The following DNAJC5 variants were observed in gnomAD, a reference collection of about 807,000 sequenced individuals.
The protein encoded by DNAJC5 is DnaJ heat shock protein family (Hsp40) member C5, also known as dnaJ homolog subfamily C member 5.
Under a neutral mutation model 23.2 loss-of-function variants are expected in DNAJC5, and 1 was observed. That is an observed-to-expected ratio of 0.04 (90% confidence interval 0.02 to 0.20). The LOEUF (loss-of-function observed/expected upper bound fraction) is 0.20. Among genes scored for constraint, DNAJC5 ranks in the 10% least tolerant of loss-of-function variants. DNAJC5 has a pLI of 1.00. For synonymous variants in DNAJC5, 136 were observed against 120.0 expected, an observed-to-expected ratio of 1.13 and a Z score of -0.87; for missense variants, 180 against 267.0, an observed-to-expected ratio of 0.67 and a Z score of 2.27.
intron 1 of DNAJC5, among the ~76,000 whole-genome samples, chr20:63,908,227 G>C (rs2053459752): frequency 2.0e-5 from 3 of 152,356 alleles, no homozygotes; most frequent in African/African-American, 4.8e-5. Context: ...CCCCACGCAT[G>C]GGAGGTGGTG....
intron 1 of DNAJC5, among the ~76,000 whole-genome samples, chr20:63,917,184 G>C (rs1309749165): frequency 6.6e-6 from 1 of 152,186 alleles, no homozygotes; most frequent in Non-Finnish European, 1.5e-5. Flanking sequence ...CTTTGCCACA[G>C]CTCCAGCCGG....
In DNAJC5 at chr20:63,929,555, C is replaced by A. The variant is rs753649103; in HGVS notation, c.321+30C>A. On this transcript the variant is annotated intron_variant, in intron 3 of 4. Coordinates refer to ENST00000360864, the MANE Select transcript of DNAJC5 (RefSeq NM_025219.3). This position sits in a 1 kb window ranked among gnomAD's most constrained non-coding sequence, Gnocchi z 8.6. ...GGGCGAGCTGCCTGCCGTGCGGGCA[C>A]CCGAGTCACTCCTGCCGTGCGGGCA... The A allele has an allele frequency of 6.2e-7, 1 of 1,609,068 alleles. No homozygotes were observed. The highest frequency in any genetic ancestry group is 1.1e-5 in the South Asian group (1 of 90,840).
rs943075199 is a variant in DNAJC5 at position 63,928,206 on chromosome 20, G to A, written c.-11-129G>A. 4.0e-6 allele frequency: 3 copies of A among 748,638 alleles called. No individual in the cohort carries two copies. The highest frequency in any genetic ancestry group is 3.5e-5 in the African/African-American group (2 of 57,852). The allele number at this position is 748,638 out of a possible 1,614,324, so 46.4% of individuals were successfully genotyped here. The stretch of plus-strand genomic sequence containing the variant: ...CATGCCATGGCGTCTGTCTGTGCAC[G>A]TGGCAAACTCCACAAGGCAGTGTTG... On this transcript the variant is annotated intron_variant, in intron 1 of 4. Coordinates refer to ENST00000360864, the MANE Select transcript of DNAJC5 (RefSeq NM_025219.3). This position sits in a 1 kb window ranked among gnomAD's most constrained non-coding sequence, Gnocchi z 4.6.
rs2053476784 is a variant in DNAJC5, at chr20:63,910,659, G to A, written c.-12+15336G>A. On this transcript the variant is annotated intron_variant, in intron 1 of 4. Transcript: ENST00000360864. ...GGATAACCTGCTCTCCAAGTAATAG[G>A]GTTTTGAGAATGTTTTTTTTTTTTT... Among the ~76,000 whole-genome samples, 3 of 147,400 alleles carry A rather than the reference G, an allele frequency of 2.0e-5. No individual in the cohort carries two copies. The South Asian group carries it at 6.4e-4, about 31-fold the overall frequency.
intron 1 of DNAJC5, among the ~76,000 whole-genome samples, chr20:63,911,788 C>G (rs1409568320): frequency 6.6e-6 from 1 of 151,824 alleles, no homozygotes; most frequent in African/African-American, 2.4e-5. Context: ...ATCCTCCCAT[C>G]CCAACCACCT....
At chr20:63,899,322 T>G (rs1461571946) in intron 1 of DNAJC5, among the ~76,000 whole-genome samples, 5 of 152,188 alleles carry the variant, frequency 3.3e-5, no homozygotes, top group Admixed American at 2.6e-4. Context: ...TAGTCTGTTA[T>G]CAGTCACAGG....
chr20:63,909,141 A>T (rs1448454544), intron 1 of DNAJC5: 3 of 151,752 alleles, frequency 2.0e-5, no homozygotes, highest in Non-Finnish European at 4.4e-5. Flanking sequence ...ATAAAAATAC[A>T]AAAATCAGTC....
rs755569080 is a variant in DNAJC5 at position 63,931,529 on chromosome 20, C to T, written c.558C>T (p.Ala186=). 30 of 1,583,666 alleles carry T rather than the reference C, an allele frequency of 1.9e-5. No homozygotes were observed. The highest frequency in any genetic ancestry group is 1.7e-4 in the Middle Eastern group (1 of 6,030). The part of the protein sequence containing the change: ...ASATETTQLT[A]DSHPSYHTDG... The stretch of plus-strand genomic sequence containing the variant: ...CCACCGAGACCACCCAGCTCACAGC[C>T]GACTCCCACCCCAGCTACCACACTG... Residue 186 remains alanine (A), a synonymous_variant, in exon 5 of 5, where the codon GCC becomes GCT. Coordinates refer to ENST00000360864, the MANE Select transcript of DNAJC5 (RefSeq NM_025219.3). The surrounding 1 kb of genome is among the most constrained non-coding windows in gnomAD (Gnocchi z 9.6).
chr20:63,895,318 G>T lies in DNAJC5; in HGVS notation c.-17G>T, dbSNP rs1427754537. On this transcript the variant is annotated 5_prime_UTR_variant, in exon 1 of 5. Transcript: ENST00000360864. The stretch of plus-strand genomic sequence containing the variant: ...CGGGAGGGCGGGCGGGCGGGCGGAC[G>T]GGCAGGTGAGCTCGCTGCGGGTCGG... 1 of 147,760 alleles carries T rather than the reference G, an allele frequency of 6.8e-6. No individual in the cohort carries two copies. Among genetic ancestry groups the T allele is most frequent in the East Asian group, 1.9e-4 (1 of 5,152 alleles). 9.2% of individuals were successfully genotyped at this position (147,760 alleles called of 1,614,324 possible).
At chr20:63,918,395 G>A (rs948843689) in intron 1 of DNAJC5, among the ~76,000 whole-genome samples, 1 of 152,108 alleles carries the variant, frequency 6.6e-6, no homozygotes, top group Non-Finnish European at 1.5e-5. Flanking sequence ...CCAGTGCTAG[G>A]CCGTATTTTT....
intron 1 of DNAJC5, among the ~76,000 whole-genome samples, chr20:63,921,864 C>T (rs1166766231): frequency 1.3e-5 from 2 of 152,020 alleles, no homozygotes; most frequent in African/African-American, 4.8e-5. Flanking sequence ...CTGCAACCTC[C>T]TCCTCCCGGG....
Position 63,928,226 on chromosome 20 carries a change from G to T in DNAJC5, c.-11-109G>T, listed in dbSNP as rs750723379. The T allele has an allele frequency of 2.3e-6, 2 of 877,218 alleles. No individual in the cohort carries two copies. Among genetic ancestry groups the T allele is most frequent in the Non-Finnish European group, 3.7e-6 (2 of 543,150 alleles). 54.3% of individuals were successfully genotyped at this position (877,218 alleles called of 1,614,324 possible). On this transcript the variant is annotated intron_variant, in intron 1 of 4. Transcript: ENST00000360864. This position sits in a 1 kb window ranked among gnomAD's most constrained non-coding sequence, Gnocchi z 4.6. ...TGCACGTGGCAAACTCCACAAGGCA[G>T]TGTTGGATTCTTTTGCTTTGAACGG...
At chr20:63,900,451 A>G (rs2053404298) in intron 1 of DNAJC5, among the ~76,000 whole-genome samples, 1 of 151,822 alleles carries the variant, frequency 6.6e-6, no homozygotes, top group Admixed American at 6.6e-5. Flanking sequence ...GGTGACATGC[A>G]GCTGTAGTCC....
intron 1 of DNAJC5, among the ~76,000 whole-genome samples, chr20:63,908,019 G>A (rs1568977197): frequency 6.6e-6 from 1 of 152,190 alleles, no homozygotes; most frequent in South Asian, 2.1e-4. Flanking sequence ...CCCCACCTTG[G>A]CCTCCCGAAG....
At chr20:63,918,855 A>C (rs1027558209) in intron 1 of DNAJC5, among the ~76,000 whole-genome samples, 1 of 152,216 alleles carries the variant, frequency 6.6e-6, no homozygotes, top group Non-Finnish European at 1.5e-5. Flanking sequence ...TGGCCTCCCA[A>C]AGTGCTGGGA....
chr20:63,928,910 A>G lies in DNAJC5; in HGVS notation c.108-402A>G, dbSNP rs2053638139. Among the ~76,000 whole-genome samples the G allele has an allele frequency of 6.6e-6, 1 of 152,226 alleles. No homozygotes were observed. The highest frequency in any genetic ancestry group is 6.5e-5 in the Admixed American group (1 of 15,276). On this transcript the variant is annotated intron_variant, in intron 2 of 4. Transcript: ENST00000360864. This position sits in a 1 kb window ranked among gnomAD's most constrained non-coding sequence, Gnocchi z 4.6. ...CATCACTAATCCAGACAATTCAGAT[A>G]GTCCTCCTCTCGTGTGCTAGCATCG...
In DNAJC5 at chr20:63,929,679, C is replaced by T. The variant is rs189188563; in HGVS notation, c.321+154C>T. ...GGGCACCCGAGTCTCTCCTGCCGTG[C>T]GGGCACCCGAGTCACTCCTGCCGTG... On this transcript the variant is annotated intron_variant, in intron 3 of 4. Coordinates refer to ENST00000360864, the MANE Select transcript of DNAJC5 (RefSeq NM_025219.3). This position sits in a 1 kb window ranked among gnomAD's most constrained non-coding sequence, Gnocchi z 8.6. Among the ~76,000 whole-genome samples, 122 of 147,316 alleles carry T rather than the reference C, an allele frequency of 8.3e-4. 7 individuals carry two copies. The South Asian group carries it at 0.017, about 21-fold the overall frequency.
intron 1 of DNAJC5, among the ~76,000 whole-genome samples, chr20:63,898,782 A>G (rs905741619): frequency 1.1e-4 from 17 of 152,228 alleles, no homozygotes; most frequent in Admixed American, 1.0e-3. Flanking sequence ...CAGAGGTTGC[A>G]GTGAGCTGAG....
intron 1 of DNAJC5, among the ~76,000 whole-genome samples, chr20:63,902,005 G>A (rs1191258312): frequency 6.6e-6 from 1 of 151,944 alleles, no homozygotes; most frequent in Non-Finnish European, 1.5e-5. Flanking sequence ...TTTGCCAGTC[G>A]CAATAAATTT....
Sources: gnomAD v4.1 joint callset for allele counts (sites outside exome capture counted in the v4.1 genomes callset) on GRCh38, gnomAD v4.1.1 for gene constraint, Gnocchi (gnomAD v3.1) non-coding constraint, MANE v1.5 for transcripts, NCBI Gene and HGNC (gene_info 2026-07-23, HGNC 2026-07-21) for gene names.